DLG2: variants seen among roughly 807,000 people sequenced by gnomAD.
DLG2 encodes discs large MAGUK scaffold protein 2, also known as disks large homolog 2.
In DLG2, 45 loss-of-function variants were observed where a neutral mutation model predicts 132.5. The observed-to-expected ratio is 0.34, with a 90% CI of 0.27 to 0.44. The LOEUF is 0.44. DLG2 is among the 20% of genes least tolerant of loss of function. DLG2 has a pLI of 1.00. For missense variants in DLG2, 1,045 were observed against 1,196.9 expected, an observed-to-expected ratio of 0.87 and a Z score of 1.87; for synonymous variants, 424 against 419.6, an observed-to-expected ratio of 1.01 and a Z score of -0.13.
intron 3 of DLG2, among the ~76,000 whole-genome samples, chr11:85,365,703 T>A (rs286046): frequency 0.98 from 149,882 of 152,318 alleles, 73,747 homozygotes; most frequent in East Asian, 1. Flanking sequence ...TCAGTGATAG[T>A]CTGGATAAAG....
At chr11:83,956,435 C>A (rs1419740656) in intron 14 of DLG2, among the ~76,000 whole-genome samples, 2 of 152,218 alleles carry the variant, frequency 1.3e-5, no homozygotes, top group Admixed American at 6.5e-5. Context: ...GGCACCCTCA[C>A]CTGGATGCCA....
chr11:85,002,358 G>A (rs909117355), intron 6 of DLG2, among the ~76,000 whole-genome samples: 61 of 152,214 alleles, frequency 4.0e-4, no homozygotes, highest in African/African-American at 1.4e-3. Flanking sequence ...CTATTTAGAA[G>A]AAATGAGGAA....
chr11:85,364,549 T>G (rs2084393770), intron 3 of DLG2, among the ~76,000 whole-genome samples: 1 of 152,196 alleles, frequency 6.6e-6, no homozygotes, highest in Admixed American at 6.5e-5. Flanking sequence ...TAATGCATCC[T>G]TTATTAGCTA....
chr11:84,296,370 C>G (rs569245359), intron 7 of DLG2, among the ~76,000 whole-genome samples: 14 of 152,146 alleles, frequency 9.2e-5, no homozygotes, highest in Non-Finnish European at 1.6e-4. Flanking sequence ...ATCTCTTACC[C>G]TGTTTCTCCT....
intron 6 of DLG2, among the ~76,000 whole-genome samples, chr11:84,559,171 A>C (rs572152281): frequency 1.5e-4 from 23 of 152,258 alleles, no homozygotes; most frequent in Non-Finnish European, 2.6e-4. Context: ...GTTTCCTATC[A>C]GTATGTAGAG....
At chr11:84,947,429 T>C (rs528949150) in intron 6 of DLG2, among the ~76,000 whole-genome samples, 38 of 152,162 alleles carry the variant, frequency 2.5e-4, no homozygotes, top group Non-Finnish European at 5.0e-4. Context: ...AGTACCAACA[T>C]AGAACCAGAG....
At position 85,114,589 on chromosome 11, in the gene DLG2, G is replaced by C. The variant is rs17148008; in HGVS notation, c.283-2854C>G. On this transcript the variant is annotated intron_variant, in intron 5 of 27. Coordinates refer to ENST00000376104, the MANE Select transcript of DLG2 (RefSeq NM_001142699.3). Reference sequence around the variant, plus strand: ...GAGACAAAACTATCAATGGGTCTTAGTCTTTTAAAAACAGACAGGTTGATG... The same window carrying C: ...GAGACAAAACTATCAATGGGTCTTACTCTTTTAAAAACAGACAGGTTGATG... Among the ~76,000 whole-genome samples the C allele has an allele frequency of 9.9e-3, 1,498 of 152,006 alleles. 21 individuals carry two copies. Among genetic ancestry groups the C allele is most frequent in the African/African-American group, 0.035 (1,436 of 41,510 alleles).
At chr11:84,947,627 G>A (rs2050385708) in intron 6 of DLG2, among the ~76,000 whole-genome samples, 1 of 152,080 alleles carries the variant, frequency 6.6e-6, no homozygotes, top group East Asian at 1.9e-4. Flanking sequence ...AAGTGATGGT[G>A]GCTGACTCCT....
intron 6 of DLG2, among the ~76,000 whole-genome samples, chr11:84,653,024 C>T (rs569750527): frequency 2.4e-4 from 37 of 151,880 alleles, no homozygotes; most frequent in Non-Finnish European, 4.7e-4. Context: ...CTCTACCTCC[C>T]GGGTCCAAGT....
rs564489252 is a variant in DLG2 at position 83,546,840 on chromosome 11, T to C, written c.1941-4982A>G. Reference sequence around the variant, plus strand: ...AGTAGTTTTTAGAGGACACATTCAATTCTCACAGCTATCCTGCAGTGCATA... The same window carrying C: ...AGTAGTTTTTAGAGGACACATTCAACTCTCACAGCTATCCTGCAGTGCATA... On this transcript the variant is annotated intron_variant, in intron 19 of 27. Transcript: ENST00000376104. Among the ~76,000 whole-genome samples the C allele has an allele frequency of 2.0e-5, 3 of 152,266 alleles. No individual in the cohort carries two copies. The South Asian group carries it at 6.2e-4, about 32-fold the overall frequency.
chr11:83,485,942 A>AAAAT (rs2093473048), intron 21 of DLG2, among the ~76,000 whole-genome samples: 2 of 152,148 alleles, frequency 1.3e-5, no homozygotes, highest in Non-Finnish European at 2.9e-5. Flanking sequence ...GGTTTTATGA[A>AAAAT]AAATAATGAA....
At chr11:84,813,695 T>A (rs1425920623) in intron 6 of DLG2, among the ~76,000 whole-genome samples, 1 of 152,044 alleles carries the variant, frequency 6.6e-6, no homozygotes, top group African/African-American at 2.4e-5. Context: ...CTTTTGGGGA[T>A]GTTGTCCTCA....
intron 6 of DLG2, among the ~76,000 whole-genome samples, chr11:84,703,169 A>G (rs941310379): frequency 6.6e-6 from 1 of 151,800 alleles, no homozygotes; most frequent in Non-Finnish European, 1.5e-5. Flanking sequence ...TCATTATGCA[A>G]GATGAATGAA....
intron 6 of DLG2, among the ~76,000 whole-genome samples, chr11:84,679,516 AAG>A (rs770592629): frequency 1.8e-4 from 27 of 152,226 alleles, no homozygotes; most frequent in Non-Finnish European, 3.1e-4. Context: ...GAGGGCAAGA[AAG>A]AATATGGATT....
chr11:83,765,847 A>T (rs1227968607), intron 18 of DLG2, among the ~76,000 whole-genome samples: 2 of 152,198 alleles, frequency 1.3e-5, no homozygotes, highest in Non-Finnish European at 2.9e-5. Context: ...AGGTATTAGA[A>T]TTGCTACCCA....
intron 6 of DLG2, among the ~76,000 whole-genome samples, chr11:84,547,058 G>A (rs2099391382): frequency 6.6e-6 from 1 of 152,088 alleles, no homozygotes; most frequent in African/African-American, 2.4e-5. Context: ...TCTGAGACAT[G>A]GTAATCTTAT....
intron 18 of DLG2, among the ~76,000 whole-genome samples, chr11:83,697,017 T>C (rs978719420): frequency 8.5e-5 from 13 of 152,236 alleles, no homozygotes; most frequent in African/African-American, 2.2e-4. Flanking sequence ...TTCATTTTAC[T>C]CTAAACAAAA....
At chr11:84,060,526 C>G (rs541170586) in intron 10 of DLG2, among the ~76,000 whole-genome samples, 3 of 92,914 alleles carry the variant, frequency 3.2e-5, no homozygotes, top group Admixed American at 1.3e-4. Flanking sequence ...AATTCTACAT[C>G]AAACTTTCCT....
chr11:85,558,970 A>G (rs1005072097), intron 3 of DLG2, among the ~76,000 whole-genome samples: 1 of 151,740 alleles, frequency 6.6e-6, no homozygotes, highest in African/African-American at 2.4e-5. Flanking sequence ...TTAAATGAGA[A>G]GCTAAAACTA....
Sources: gnomAD v4.1 joint callset for allele counts (sites outside exome capture counted in the v4.1 genomes callset) on GRCh38, gnomAD v4.1.1 for gene constraint, MANE v1.5 for transcripts, NCBI Gene and HGNC (gene_info 2026-07-23, HGNC 2026-07-21) for gene names.